FAM227B: variants seen among roughly 807,000 people sequenced by gnomAD.
The protein encoded by FAM227B is protein FAM227B.
In FAM227B, 88 loss-of-function variants were observed where a neutral mutation model predicts 73.8. The observed-to-expected ratio is 1.19, with a 90% CI of 1.00 to 1.42. The LOEUF (loss-of-function observed/expected upper bound fraction) is 1.42. Among genes scored for constraint, FAM227B ranks in the 40% most tolerant of loss-of-function variants. FAM227B has a pLI of 0.00. For synonymous variants in FAM227B, 210 were observed against 190.5 expected (o/e 1.10, Z -0.84); for missense variants, 632 against 590.9 (o/e 1.07, Z -0.72).
chr15:49,439,805 T>C (rs545488612), intron 11 of FAM227B, among the ~76,000 whole-genome samples: 5 of 151,700 alleles, frequency 3.3e-5, no homozygotes, highest in Non-Finnish European at 7.4e-5. Flanking sequence ...GATGATTTGC[T>C]TGCTTAAAAT....
chr15:49,519,723 C>T (rs920469722), intron 10 of FAM227B, among the ~76,000 whole-genome samples: 6 of 152,156 alleles, frequency 3.9e-5, no homozygotes, highest in Non-Finnish European at 7.3e-5. Context: ...CTTCCTAGGC[C>T]TCAGCTTGTG....
At chr15:49,405,584 C>A (rs943812341) in intron 11 of FAM227B, among the ~76,000 whole-genome samples, 12 of 152,152 alleles carry the variant, frequency 7.9e-5, no homozygotes, top group Non-Finnish European at 1.5e-5. Context: ...ATTATTGTAG[C>A]ATGTTTTTCA....
At chr15:49,552,671 T>G (rs1401085381) in intron 9 of FAM227B, among the ~76,000 whole-genome samples, 1 of 152,146 alleles carries the variant, frequency 6.6e-6, no homozygotes, top group East Asian at 1.9e-4. Flanking sequence ...TGTTTTTTGT[T>G]TTTTTCTTTT....
At chr15:49,539,108 G>C (rs2070693520) in intron 10 of FAM227B, among the ~76,000 whole-genome samples, 2 of 152,088 alleles carry the variant, frequency 1.3e-5, no homozygotes, top group African/African-American at 2.4e-5. Context: ...TTCAACTATG[G>C]GTGGGTGTGA....
At position 49,489,803 on chromosome 15, in the gene FAM227B, TTA is replaced by T. The variant is rs1197091289; in HGVS notation, c.1012+18406_1012+18407del. 9.7e-3 allele frequency among the ~76,000 whole-genome samples: 557 copies of T among 57,260 alleles called. 35 individuals are homozygous for T. Among genetic ancestry groups the T allele is most frequent in the Middle Eastern group, 0.046 (5 of 108 alleles). The allele number at this position is 57,260 out of a possible 152,430, so 37.6% of individuals were successfully genotyped here. On this transcript the variant is annotated intron_variant, in intron 11 of 15. Coordinates refer to ENST00000299338, the MANE Select transcript of FAM227B (RefSeq NM_152647.3). ...AGAACAGGAGATATATATATATATTTTATATATATATATATATTTTATATATA... is the reference window on the plus strand; with the variant it reads ...AGAACAGGAGATATATATATATATTTTATATATATATATATTTTATATATA...
At chr15:49,547,041 GT>G (rs1305243766) in intron 9 of FAM227B, among the ~76,000 whole-genome samples, 1 of 152,100 alleles carries the variant, frequency 6.6e-6, no homozygotes, top group Admixed American at 6.5e-5. Context: ...GAAAGGTCGG[GT>G]TACCCACAAA....
intron 2 of FAM227B, among the ~76,000 whole-genome samples, chr15:49,614,403 T>C (rs1403633143): frequency 6.6e-6 from 1 of 152,170 alleles, no homozygotes; most frequent in Non-Finnish European, 1.5e-5. Flanking sequence ...CTTGTAAACA[T>C]TCAGAGTTCC....
intron 11 of FAM227B, among the ~76,000 whole-genome samples, chr15:49,501,259 G>A (rs1257258465): frequency 1.3e-5 from 2 of 152,188 alleles, no homozygotes; most frequent in Non-Finnish European, 2.9e-5. Context: ...GGAAAGTTCA[G>A]AACTTCTTGG....
At chr15:49,361,027 C>T (rs914626906) in intron 13 of FAM227B, among the ~76,000 whole-genome samples, 8 of 151,766 alleles carry the variant, frequency 5.3e-5, no homozygotes, top group Admixed American at 2.6e-4. Flanking sequence ...TGTGGGGTTG[C>T]GGAATAGGGA....
chr15:49,461,943 G>T (rs2053836309), intron 11 of FAM227B, among the ~76,000 whole-genome samples: 1 of 152,168 alleles, frequency 6.6e-6, no homozygotes, highest in African/African-American at 2.4e-5. Context: ...GCCGAAGCAG[G>T]CAGATTACTT....
chr15:49,472,257 C>T (rs1382894570), intron 11 of FAM227B, among the ~76,000 whole-genome samples: 3 of 152,164 alleles, frequency 2.0e-5, no homozygotes, highest in Non-Finnish European at 4.4e-5. Context: ...GGAGGAGTGA[C>T]AACTCTGCTC....
In FAM227B at chr15:49,615,117, T is replaced by A; in HGVS notation, c.51+4A>T. 1.2e-6 allele frequency: 2 copies of A among 1,613,438 alleles called. No individual in the cohort carries two copies. Among genetic ancestry groups the A allele is most frequent in the Non-Finnish European group, 1.7e-6 (2 of 1,179,352 alleles). ...TGAACATAAAGCTGTGGAAGCTTCC[T>A]TACCCCGGGGCCAGCTCTGCTGCTC... On this transcript the variant is annotated splice_donor_region_variant and intron_variant, in intron 2 of 15. Coordinates refer to ENST00000299338, the MANE Select transcript of FAM227B (RefSeq NM_152647.3).
At chr15:49,591,421 C>T (rs1387998049) in intron 3 of FAM227B, among the ~76,000 whole-genome samples, 1 of 140,602 alleles carries the variant, frequency 7.1e-6, no homozygotes, top group Non-Finnish European at 1.5e-5. Flanking sequence ...TCCTTCCGTC[C>T]TTCCTCAGCC....
intron 11 of FAM227B, among the ~76,000 whole-genome samples, chr15:49,394,145 C>T (rs1371518534): frequency 6.6e-6 from 1 of 152,128 alleles, no homozygotes; most frequent in African/African-American, 2.4e-5. Flanking sequence ...CAGTCCTTCT[C>T]TAATGATTTG....
At chr15:49,483,658 C>G (rs2056150982) in intron 11 of FAM227B, among the ~76,000 whole-genome samples, 1 of 152,002 alleles carries the variant, frequency 6.6e-6, no homozygotes, top group Non-Finnish European at 1.5e-5. Context: ...GTTCATTCAT[C>G]AACATCAATC....
intron 11 of FAM227B, among the ~76,000 whole-genome samples, chr15:49,475,622 A>G (rs1416296704): frequency 6.6e-6 from 1 of 151,366 alleles, no homozygotes; most frequent in Non-Finnish European, 1.5e-5. Flanking sequence ...TAATTTTTTC[A>G]TAACATCTAA....
At chr15:49,382,924 A>G (rs1304740672) in intron 11 of FAM227B, among the ~76,000 whole-genome samples, 3 of 152,178 alleles carry the variant, frequency 2.0e-5, no homozygotes, top group Non-Finnish European at 4.4e-5. Context: ...TACAATTTTA[A>G]AAAGCCATTA....
intron 11 of FAM227B, among the ~76,000 whole-genome samples, chr15:49,437,439 C>T (rs1276317197): frequency 6.6e-6 from 1 of 151,482 alleles, no homozygotes; most frequent in African/African-American, 2.4e-5. Flanking sequence ...CTGCGCTCCA[C>T]AAAAAGTAAG....
intron 5 of FAM227B, among the ~76,000 whole-genome samples, chr15:49,586,672 A>C (rs1046256394): frequency 2.6e-5 from 4 of 152,060 alleles, no homozygotes; most frequent in African/African-American, 9.7e-5. Context: ...ACTCACACGG[A>C]ACTTAATAAG....
Sources: allele counts gnomAD v4.1 joint callset (sites outside exome capture counted in the v4.1 genomes callset), GRCh38; gene constraint gnomAD v4.1.1; transcripts MANE v1.5; gene names NCBI Gene and HGNC (gene_info 2026-07-23, HGNC 2026-07-21).